GALNT13: variants seen among roughly 807,000 people sequenced by gnomAD.
The protein encoded by GALNT13 is UDP-GalNAc:polypeptide N-acetylgalactosaminyltransferase 13.
GALNT13 carries 28 observed loss-of-function variants against 64.2 expected under a neutral mutation model. That is an observed-to-expected ratio of 0.44 (90% CI 0.32 to 0.60). The LOEUF (loss-of-function observed/expected upper bound fraction) is 0.60, where lower values mean the gene tolerates loss of function less well. Ranked by LOEUF, GALNT13 falls within the 20% of genes least tolerant of loss-of-function variation. The pLI is 0.05. For missense variants in GALNT13, 577 were observed against 669.8 expected (o/e 0.86, Z 1.53); for synonymous variants, 214 against 224.6 (o/e 0.95, Z 0.42).
At chr2:153,966,648 G>C (rs954383717) in intron 3 of GALNT13, among the ~76,000 whole-genome samples, 1 of 151,994 alleles carries the variant, frequency 6.6e-6, no homozygotes, top group Non-Finnish European at 1.5e-5. Flanking sequence ...GATTACAGGC[G>C]TGAGCCACCG....
intron 11 of GALNT13, among the ~76,000 whole-genome samples, chr2:154,414,993 T>C (rs556848498): frequency 6.6e-6 from 1 of 152,070 alleles, no homozygotes; most frequent in South Asian, 2.1e-4. Context: ...CTGATATTAA[T>C]TTTTATTTAA....
chr2:153,604,179 A>G, the GALNT13 span, among the ~76,000 whole-genome samples: 1 of 152,050 alleles, frequency 6.6e-6, no homozygotes, highest in South Asian at 2.1e-4. Flanking sequence ...GCCAAGTAAT[A>G]TTCTGACAAC....
At chr2:153,503,266 C>T in the GALNT13 span, among the ~76,000 whole-genome samples, 1,075 of 152,116 alleles carry the variant, frequency 7.1e-3, 24 homozygotes, top group East Asian at 0.082. Context: ...TAATGTAAGA[C>T]GATGAGGATC....
At chr2:153,191,072 C>T in the GALNT13 span, among the ~76,000 whole-genome samples, 3 of 152,010 alleles carry the variant, frequency 2.0e-5, no homozygotes, top group Non-Finnish European at 2.9e-5. Flanking sequence ...ATTTCATTCT[C>T]TTGCCAGATT....
At chr2:153,905,186 A>G (rs576039348) in intron 2 of GALNT13, among the ~76,000 whole-genome samples, 1 of 152,072 alleles carries the variant, frequency 6.6e-6, no homozygotes, top group Non-Finnish European at 1.5e-5. Flanking sequence ...TTTAGATTTT[A>G]GTTAGAATTG....
chr2:153,873,616 A>G (rs1170061683), intron 1 of GALNT13, among the ~76,000 whole-genome samples: 2 of 152,152 alleles, frequency 1.3e-5, no homozygotes, highest in African/African-American at 4.8e-5. Flanking sequence ...CCTGCCTTAA[A>G]CTACCATGCA....
At chr2:154,264,978 A>ATAT (rs1276953303) in intron 8 of GALNT13, among the ~76,000 whole-genome samples, 3 of 150,142 alleles carry the variant, frequency 2.0e-5, no homozygotes, top group African/African-American at 4.9e-5. Context: ...GATAAAAAAA[A>ATAT]ATATATATAT....
the GALNT13 span, among the ~76,000 whole-genome samples, chr2:153,487,432 A>AT: frequency 6.6e-6 from 1 of 152,176 alleles, no homozygotes; most frequent in African/African-American, 2.4e-5. Context: ...TCCCTCCAAT[A>AT]TTTTTATGGC....
intron 9 of GALNT13, among the ~76,000 whole-genome samples, chr2:154,305,281 T>A (rs1693666498): frequency 6.6e-6 from 1 of 152,134 alleles, no homozygotes; most frequent in Admixed American, 6.5e-5. Context: ...TGGGTGAGTT[T>A]GTAAAGAGAG....
chr2:153,122,245 A>C, the GALNT13 span, among the ~76,000 whole-genome samples: 1 of 151,800 alleles, frequency 6.6e-6, no homozygotes, highest in African/African-American at 2.4e-5. Context: ...TGTCTGCTAT[A>C]TGGTGTTATG....
intron 4 of GALNT13, among the ~76,000 whole-genome samples, chr2:154,230,329 T>G (rs2105843977): frequency 6.6e-6 from 1 of 152,236 alleles, no homozygotes; most frequent in African/African-American, 2.4e-5. Context: ...GGCAATAAAC[T>G]TATTTATTCC....
chr2:153,470,319 T>C, the GALNT13 span, among the ~76,000 whole-genome samples: 1 of 152,082 alleles, frequency 6.6e-6, no homozygotes, highest in Non-Finnish European at 1.5e-5. Context: ...GAACCAACTC[T>C]CCTCCCCCAT....
At chr2:154,388,775 CAAAAT>C (rs1435671064) in intron 9 of GALNT13, among the ~76,000 whole-genome samples, 1 of 151,920 alleles carries the variant, frequency 6.6e-6, no homozygotes, top group Non-Finnish European at 1.5e-5. Context: ...GAGTAAATAA[CAAAAT>C]AAAGTCCACT....
At chr2:154,189,050 G>T (rs941294444) in intron 4 of GALNT13, among the ~76,000 whole-genome samples, 1 of 152,040 alleles carries the variant, frequency 6.6e-6, no homozygotes, top group African/African-American at 2.4e-5. Context: ...TAAAATTTTT[G>T]AATTAGGTGA....
chr2:153,570,567 C>T, the GALNT13 span, among the ~76,000 whole-genome samples: 2 of 152,090 alleles, frequency 1.3e-5, no homozygotes, highest in African/African-American at 2.4e-5. Context: ...CCAGTGTTTT[C>T]TTGTAGTTCT....
intron 3 of GALNT13, among the ~76,000 whole-genome samples, chr2:154,098,548 C>T (rs1702188814): frequency 6.6e-6 from 1 of 151,974 alleles, no homozygotes; most frequent in Non-Finnish European, 1.5e-5. Context: ...TACCCATCTA[C>T]AATAGTGAGC....
the GALNT13 span, among the ~76,000 whole-genome samples, chr2:153,126,102 GATT>G: frequency 1.2e-4 from 18 of 150,384 alleles, no homozygotes; most frequent in Admixed American, 2.7e-4. Flanking sequence ...TTATTTTCCT[GATT>G]GTTATTTTCC....
intron 2 of GALNT13, among the ~76,000 whole-genome samples, chr2:153,906,355 A>T (rs1688561631): frequency 6.7e-6 from 1 of 150,046 alleles, no homozygotes; most frequent in African/African-American, 2.5e-5. Context: ...TTAACTCATC[A>T]TTTAGCATTA....
chr2:154,078,199 C>T (rs1025183081), intron 3 of GALNT13, among the ~76,000 whole-genome samples: 10 of 151,458 alleles, frequency 6.6e-5, no homozygotes, highest in African/African-American at 2.4e-4. Context: ...ATCAGATTTA[C>T]TAAATATCAT....
Sources: allele counts gnomAD v4.1 joint callset (sites outside exome capture counted in the v4.1 genomes callset), GRCh38; gene constraint gnomAD v4.1.1; transcripts MANE v1.5; gene names NCBI Gene and HGNC (gene_info 2026-07-23, HGNC 2026-07-21).